ABHD18: variants seen among roughly 807,000 people sequenced by gnomAD.
ABHD18 encodes the protein abhydrolase domain containing 18.
Under a neutral mutation model 65.9 loss-of-function variants are expected in ABHD18, and 55 were observed. The ratio of observed to expected loss-of-function variants is 0.84; its 90% CI spans 0.67 to 1.05. The LOEUF (loss-of-function observed/expected upper bound fraction) is 1.05. Ranked by LOEUF, ABHD18 falls within the 50% of genes least tolerant of loss-of-function variation. The pLI is 0.00. For synonymous variants in ABHD18, 181 were observed against 180.2 expected, an observed-to-expected ratio of 1.00 and a Z score of -0.04; for missense variants, 533 against 558.5, an observed-to-expected ratio of 0.95 and a Z score of 0.46.
Position 127,967,401 on chromosome 4 carries a change from T to A in ABHD18, c.-18+1795T>A, listed in dbSNP as rs74329360. ...CCTGTGCTCTTTACCACCAGGCTTC[T>A]TATGGGAAAAAATGGCAAAGCGGCA... is the stretch of plus-strand genomic sequence containing the variant. On this transcript the variant is annotated intron_variant, in intron 1 of 12. Coordinates refer to ENST00000645843, the MANE Select transcript of ABHD18 (RefSeq NM_001358451.3). 3.9e-4 allele frequency among the ~76,000 whole-genome samples: 59 copies of A among 152,262 alleles called. No homozygotes were observed. The East Asian group carries it at 0.01, about 26-fold the overall frequency.
chr4:128,023,575 C>T (rs1756882275), intron 10 of ABHD18, among the ~76,000 whole-genome samples: 1 of 150,294 alleles, frequency 6.7e-6, no homozygotes, highest in South Asian at 2.1e-4. Context: ...CAGAGCAAGA[C>T]CATTTCTCTT....
At chr4:128,001,351 T>C (rs1752599323) in intron 4 of ABHD18, among the ~76,000 whole-genome samples, 1 of 152,204 alleles carries the variant, frequency 6.6e-6, no homozygotes, top group Non-Finnish European at 1.5e-5. Flanking sequence ...CATGAAGTGA[T>C]GTTGAATTTT....
At chr4:128,004,977 C>T (rs1439954745) in intron 4 of ABHD18, among the ~76,000 whole-genome samples, 1 of 151,970 alleles carries the variant, frequency 6.6e-6, no homozygotes, top group East Asian at 1.9e-4. Context: ...ACCTGTAATC[C>T]CAGCACTTTG....
intron 4 of ABHD18, among the ~76,000 whole-genome samples, chr4:127,996,403 G>C (rs1046182750): frequency 6.6e-6 from 1 of 151,934 alleles, no homozygotes; most frequent in Non-Finnish European, 1.5e-5. Context: ...TGGCGACCCC[G>C]AGCCGCAAAA....
intron 3 of ABHD18, among the ~76,000 whole-genome samples, chr4:127,987,029 A>C (rs1250366850): frequency 6.6e-6 from 1 of 152,146 alleles, no homozygotes; most frequent in East Asian, 1.9e-4. Flanking sequence ...TTTTCCCTTT[A>C]ACATTAGTTT....
chr4:127,981,983 C>A (rs1464154956), intron 1 of ABHD18, among the ~76,000 whole-genome samples: 1 of 151,950 alleles, frequency 6.6e-6, no homozygotes, highest in African/African-American at 2.4e-5. Context: ...AAATGCCAGC[C>A]CAATTGATGG....
intron 11 of ABHD18, 47 bp from the exon 12 acceptor site, chr4:128,030,463 T>A (rs1274322513): frequency 1.5e-6 from 2 of 1,313,140 alleles, no homozygotes; most frequent in Non-Finnish European, 2.0e-6. Flanking sequence ...TGGGTTTTTT[T>A]ATTTTCTAAT....
At chr4:128,008,812 G>A in intron 4 of ABHD18, 108 bp from the exon 5 acceptor site, 1 of 720,452 alleles carries the variant, frequency 1.4e-6, no homozygotes, top group Non-Finnish European at 2.2e-6. Flanking sequence ...AATTTCGACT[G>A]ATCTTTTCTG....
intron 2 of ABHD18, among the ~76,000 whole-genome samples, chr4:127,983,522 C>T (rs1749411436): frequency 6.6e-6 from 1 of 151,956 alleles, no homozygotes; most frequent in Non-Finnish European, 1.5e-5. Flanking sequence ...ATCACGAAGT[C>T]AGAATTTCCG....
chr4:128,020,103 C>A lies in ABHD18; in HGVS notation c.633C>A (p.Asn211Lys), dbSNP rs537069265. ...GGHMASLAVS[N>K]WPKPMPLIPC... ...AGATGGCTTCCTTAGCGGTATCCAA[C>A]TGGCCTAAGCCCATGCCATTGATTC... is the stretch of plus-strand genomic sequence containing the variant. Residue 211 changes from asparagine (N) to lysine (K), a missense_variant, in exon 9 of 13, where the codon AAC becomes AAA. Asn to Lys is a moderately conservative substitution (Grantham distance 94, BLOSUM62 0). Coordinates refer to ENST00000645843, the MANE Select transcript of ABHD18 (RefSeq NM_001358451.3). 1.1e-5 allele frequency: 18 copies of A among 1,613,070 alleles called. No homozygotes were observed. The highest frequency in any genetic ancestry group is 3.3e-5 in the South Asian group (3 of 90,892).
intron 10 of ABHD18, among the ~76,000 whole-genome samples, chr4:128,021,978 G>A (rs1002221717): frequency 1.3e-5 from 2 of 152,070 alleles, no homozygotes; most frequent in South Asian, 2.1e-4. Context: ...GTTGCCTTCC[G>A]ATAGAAAACC....
intron 4 of ABHD18, among the ~76,000 whole-genome samples, chr4:128,007,282 G>A (rs573306778): frequency 7.8e-5 from 11 of 141,870 alleles, no homozygotes; most frequent in South Asian, 4.4e-4. Flanking sequence ...TTGTGTCACC[G>A]CACAATTGTG....
intron 3 of ABHD18, among the ~76,000 whole-genome samples, chr4:127,987,555 G>GA (rs1217822774): frequency 4.6e-5 from 7 of 151,118 alleles, no homozygotes; most frequent in South Asian, 4.2e-4. Flanking sequence ...ACTAAAAATA[G>GA]AAAAAAATTG....
chr4:127,967,340 C>G (rs1217236633), intron 1 of ABHD18, among the ~76,000 whole-genome samples: 1 of 152,062 alleles, frequency 6.6e-6, no homozygotes. Context: ...AGCAACAGAG[C>G]TAGAATTCAA....
chr4:127,979,865 A>C (rs1350860998), intron 1 of ABHD18, among the ~76,000 whole-genome samples: 2 of 148,414 alleles, frequency 1.3e-5, no homozygotes, highest in African/African-American at 4.9e-5. Flanking sequence ...GCATTGAGCC[A>C]AGATTGTGCC....
rs530283679 is a variant in ABHD18, at chr4:128,012,073, G to A, written c.470+373G>A. 8.7e-4 allele frequency among the ~76,000 whole-genome samples: 131 copies of A among 151,166 alleles called. 2 individuals are homozygous for A. Among genetic ancestry groups the A allele is most frequent in the African/African-American group, 3.0e-3 (121 of 40,676 alleles). On this transcript the variant is annotated intron_variant, in intron 7 of 12. Transcript: ENST00000645843. Reference sequence around the variant, plus strand: ...GCTCACTGGAACCTCTGCCTCCTGGGTTCAAGCGATTCTCTGCCTCAGCCT... The same window carrying A: ...GCTCACTGGAACCTCTGCCTCCTGGATTCAAGCGATTCTCTGCCTCAGCCT...
chr4:128,017,276 T>A (rs2149157891), intron 7 of ABHD18, 87 bp from the exon 8 acceptor site: 1 of 1,284,348 alleles, frequency 7.8e-7, no homozygotes, highest in East Asian at 2.5e-5. Context: ...AAGAGATGCA[T>A]GAAGTCTGGC....
At chr4:128,015,817 C>T (rs1755379728) in intron 7 of ABHD18, among the ~76,000 whole-genome samples, 1 of 151,994 alleles carries the variant, frequency 6.6e-6, no homozygotes, top group Admixed American at 6.6e-5. Context: ...CATTCAATAA[C>T]CAGTTACATG....
intron 12 of ABHD18, among the ~76,000 whole-genome samples, chr4:128,034,941 C>T (rs761849425): frequency 6.6e-5 from 10 of 152,244 alleles, no homozygotes; most frequent in Non-Finnish European, 1.0e-4. Context: ...CTTGAGCCAT[C>T]GCGCCCGGCC....
Sources: gnomAD v4.1 joint callset for allele counts (sites outside exome capture counted in the v4.1 genomes callset) on GRCh38, gnomAD v4.1.1 for gene constraint, MANE v1.5 for transcripts, NCBI Gene and HGNC (gene_info 2026-07-23, HGNC 2026-07-21) for gene names.